FEM1B: variants seen among roughly 807,000 people sequenced by gnomAD.
The protein encoded by FEM1B is fem-1 homolog B.
Under a neutral mutation model 38.6 loss-of-function variants are expected in FEM1B, and 10 were observed. The observed-to-expected ratio is 0.26, with a 90% CI of 0.16 to 0.44. The LOEUF is 0.44. Among genes scored for constraint, FEM1B ranks in the 20% least tolerant of loss-of-function variants. The pLI, the probability that FEM1B is intolerant of heterozygous loss-of-function variation, is 1.00. For missense variants in FEM1B, 471 were observed against 786.7 expected, an observed-to-expected ratio of 0.60 and a Z score of 4.80; for synonymous variants, 288 against 288.0, an observed-to-expected ratio of 1.00 and a Z score of 0.00.
rs1049648856 is a variant in FEM1B at position 68,289,314 on chromosome 15, T to G, written c.249-293T>G. 3.3e-6 allele frequency: 1 copy of G among 302,842 alleles called. No individual in the cohort carries two copies. The highest frequency in any genetic ancestry group is 6.2e-6 in the Non-Finnish European group (1 of 162,214). 18.8% of individuals were successfully genotyped at this position (302,842 alleles called of 1,614,324 possible). A position where few individuals can be genotyped will look rare whatever the true frequency, so the allele number is the denominator to read the frequency against. On this transcript the variant is annotated intron_variant, in intron 1 of 1. Coordinates refer to ENST00000306917, the MANE Select transcript of FEM1B (RefSeq NM_015322.5). The surrounding 1 kb of genome is among the most constrained non-coding windows in gnomAD (Gnocchi z 6.9). ...TACCTCCACGCATTTCCTCTGTGCCTTCTGAAGTGTCTTTACTTTTGCTAG... is the reference window on the plus strand; with the variant it reads ...TACCTCCACGCATTTCCTCTGTGCCGTCTGAAGTGTCTTTACTTTTGCTAG...
At chr15:68,286,807 AT>A (rs1159705004) in intron 1 of FEM1B, among the ~76,000 whole-genome samples, 1 of 149,036 alleles carries the variant, frequency 6.7e-6, no homozygotes, top group Non-Finnish European at 1.5e-5. Flanking sequence ...TAACAAAAAA[AT>A]AACAAAAGTG....
In FEM1B at chr15:68,290,738, CGAA is replaced by C. The variant is rs1429241916; in HGVS notation, c.1386_1388del (p.Glu462del). ...GCATCTCTACCAAAACACAGTGCAG[CGAA>C]GAAGATCAGTGCAAAATTAACAAGC... On this transcript the variant is annotated inframe_deletion, in exon 2 of 2. Transcript: ENST00000306917. The surrounding 1 kb of genome is among the most constrained non-coding windows in gnomAD (Gnocchi z 9.7). The C allele has an allele frequency of 4.3e-6, 7 of 1,613,834 alleles. No homozygotes were observed. The highest frequency in any genetic ancestry group is 1.1e-5 in the South Asian group (1 of 91,072).
In FEM1B at chr15:68,291,901, GT is replaced by G. The variant is rs1892851387; in HGVS notation, c.*661del. The G allele has an allele frequency of 6.6e-6, 1 of 152,156 alleles. No individual in the cohort carries two copies. Among genetic ancestry groups the G allele is most frequent in the Non-Finnish European group, 1.5e-5 (1 of 68,012 alleles). 9.4% of individuals were successfully genotyped at this position (152,156 alleles called of 1,614,324 possible). A position where few individuals can be genotyped will look rare whatever the true frequency, so the allele number is the denominator to read the frequency against. On this transcript the variant is annotated 3_prime_UTR_variant, in exon 2 of 2. Coordinates refer to ENST00000306917, the MANE Select transcript of FEM1B (RefSeq NM_015322.5). The surrounding 1 kb of genome is among the most constrained non-coding windows in gnomAD (Gnocchi z 6.9). ...TATGCTGGGTAGTATATACAAAATG[GT>G]TATCATCTTAAACCAACTTTTCAGA...
At position 68,289,769 on chromosome 15, in the gene FEM1B, G is replaced by C; in HGVS notation, c.411G>C (p.Val137=). 6.2e-7 allele frequency: 1 copy of C among 1,614,172 alleles called. No homozygotes were observed. The highest frequency in any genetic ancestry group is 8.5e-7 in the Non-Finnish European group (1 of 1,180,034). ...GCTTTGATGGCAGACTGGACATTGTGAAATACTTGGTTGAAAATAATGCCA... is the reference window on the plus strand; with the variant it reads ...GCTTTGATGGCAGACTGGACATTGTCAAATACTTGGTTGAAAATAATGCCA... ...AACFDGRLDI[V]KYLVENNANI... Residue 137 remains valine (V), a synonymous_variant, in exon 2 of 2, where the codon GTG becomes GTC. Transcript: ENST00000306917. This position sits in a 1 kb window ranked among gnomAD's most constrained non-coding sequence, Gnocchi z 6.9.
Position 68,291,458 on chromosome 15 carries a change from G to T in FEM1B, c.*216G>T. ...CCACATTGTTTTGGTGTAACTATAA[G>T]GTATTTGCATATTGGTTACCTATTT... On this transcript the variant is annotated 3_prime_UTR_variant, in exon 2 of 2. Coordinates refer to ENST00000306917, the MANE Select transcript of FEM1B (RefSeq NM_015322.5). The surrounding 1 kb of genome is among the most constrained non-coding windows in gnomAD (Gnocchi z 6.9). 2.1e-6 allele frequency: 1 copy of T among 477,798 alleles called. No homozygotes were observed. Among genetic ancestry groups the T allele is most frequent in the Non-Finnish European group, 3.7e-6 (1 of 272,816 alleles). The allele number at this position is 477,798 out of a possible 1,614,324, so 29.6% of individuals were successfully genotyped here.
rs78511923 is a variant in FEM1B, at chr15:68,288,621, G to T, written c.249-986G>T. 0.014 allele frequency among the ~76,000 whole-genome samples: 2,150 copies of T among 152,294 alleles called. 59 individuals are homozygous for T. Among genetic ancestry groups the T allele is most frequent in the African/African-American group, 0.049 (2,054 of 41,556 alleles). On this transcript the variant is annotated intron_variant, in intron 1 of 1. Transcript: ENST00000306917. This position sits in a 1 kb window ranked among gnomAD's most constrained non-coding sequence, Gnocchi z 4.6. ...GTAGTGAATCTAGCACATATCAGAT[G>T]TTTAGTAAGTAAGTGATAAGTATGA...
Position 68,290,742 on chromosome 15 carries a change from G to A in FEM1B, c.1384G>A (p.Glu462Lys). ...CISTKTQCSE[E>K]DQCKINKQIY... ...CTCTACCAAAACACAGTGCAGCGAA[G>A]AAGATCAGTGCAAAATTAACAAGCA... The change falls in exon 2 of 2, where the codon GAA becomes AAA. Residue 462 changes from glutamate (E) to lysine (K), a missense_variant. Physicochemically the swap from Glu to Lys is moderately conservative, Grantham distance 56. This residue lies in a region of FEM1B where 380 missense variants were observed against 599.6 expected (regional missense o/e 0.63). Transcript: ENST00000306917. The surrounding 1 kb of genome is among the most constrained non-coding windows in gnomAD (Gnocchi z 9.7). 6.2e-7 allele frequency: 1 copy of A among 1,613,958 alleles called. No homozygotes were observed.
Position 68,294,958 on chromosome 15 carries a change from C to T in FEM1B, c.*3716C>T, listed in dbSNP as rs1328169527. The stretch of plus-strand genomic sequence containing the variant: ...TGTCATCTCTTGAAAGTAGAAAACT[C>T]CTATGTGTTTATCACATTGCAGGGC... On this transcript the variant is annotated 3_prime_UTR_variant, in exon 2 of 2. Transcript: ENST00000306917. This position sits in a 1 kb window ranked among gnomAD's most constrained non-coding sequence, Gnocchi z 4.4. 1 of 152,156 alleles carries T rather than the reference C, an allele frequency of 6.6e-6. No homozygotes were observed. Among genetic ancestry groups the T allele is most frequent in the Non-Finnish European group, 1.5e-5 (1 of 68,014 alleles). The allele number at this position is 152,156 out of a possible 1,614,324, so 9.4% of individuals were successfully genotyped here. A position where few individuals can be genotyped will look rare whatever the true frequency, so the allele number is the denominator to read the frequency against.
intron 1 of FEM1B, among the ~76,000 whole-genome samples, chr15:68,285,070 A>C (rs1038409378): frequency 1.3e-5 from 2 of 152,200 alleles, no homozygotes; most frequent in African/African-American, 4.8e-5. Flanking sequence ...AGCTTCTGTC[A>C]CCACAGATTA....
chr15:68,286,474 T>TCACACA lies in FEM1B; in HGVS notation c.249-3114_249-3109dup, dbSNP rs58268546. On this transcript the variant is annotated intron_variant, in intron 1 of 1. Transcript: ENST00000306917. ...TCATTGTAGCCTCGACCTCTTGGAC[T>TCACACA]CACACACACACACACACACACACAT... is the stretch of plus-strand genomic sequence containing the variant. 8.7e-5 allele frequency among the ~76,000 whole-genome samples: 13 copies of TCACACA among 149,722 alleles called. No homozygotes were observed. The East Asian group carries it at 2.2e-3, about 25-fold the overall frequency.
rs1181700873 is a variant in FEM1B at position 68,280,849 on chromosome 15, T to G, written c.248+2184T>G. Among the ~76,000 whole-genome samples the G allele has an allele frequency of 1.3e-5, 2 of 152,274 alleles. No homozygotes were observed. Among genetic ancestry groups the G allele is most frequent in the South Asian group, 4.1e-4 (2 of 4,834 alleles). ...TTTAGCTTATGGATTATTACAATTA[T>G]GAATTTATTAGCTGCTATGTAAAAA... is the stretch of plus-strand genomic sequence containing the variant. On this transcript the variant is annotated intron_variant, in intron 1 of 1. Coordinates refer to ENST00000306917, the MANE Select transcript of FEM1B (RefSeq NM_015322.5). The surrounding 1 kb of genome is among the most constrained non-coding windows in gnomAD (Gnocchi z 4.2).
intron 1 of FEM1B, among the ~76,000 whole-genome samples, chr15:68,287,287 G>C (rs1006590770): frequency 6.6e-6 from 1 of 152,170 alleles, no homozygotes; most frequent in Non-Finnish European, 1.5e-5. Flanking sequence ...TCTTTTCTGA[G>C]GTATGTCTTA....
intron 1 of FEM1B, among the ~76,000 whole-genome samples, chr15:68,286,495 C>T (rs918509320): frequency 2.9e-4 from 44 of 151,622 alleles, no homozygotes; most frequent in Non-Finnish European, 4.1e-4. Context: ...CACACACACA[C>T]ACATATACCA....
At position 68,284,014 on chromosome 15, in the gene FEM1B, T is replaced by C. The variant is rs1332063637; in HGVS notation, c.248+5349T>C. 6.6e-6 allele frequency among the ~76,000 whole-genome samples: 1 copy of C among 151,722 alleles called. No individual in the cohort carries two copies. The highest frequency in any genetic ancestry group is 1.5e-5 in the Non-Finnish European group (1 of 67,964). ...AATTCTTCTGCCTCAGCCTCCCGAGTAGCTGGGATTACAGACATGCGCCAC... is the reference window on the plus strand; with the variant it reads ...AATTCTTCTGCCTCAGCCTCCCGAGCAGCTGGGATTACAGACATGCGCCAC... On this transcript the variant is annotated intron_variant, in intron 1 of 1. Transcript: ENST00000306917. This position sits in a 1 kb window ranked among gnomAD's most constrained non-coding sequence, Gnocchi z 4.4.
At position 68,280,709 on chromosome 15, in the gene FEM1B, C is replaced by T. The variant is rs1445993727; in HGVS notation, c.248+2044C>T. Among the ~76,000 whole-genome samples the T allele has an allele frequency of 6.6e-6, 1 of 152,204 alleles. No individual in the cohort carries two copies. Among genetic ancestry groups the T allele is most frequent in the East Asian group, 1.9e-4 (1 of 5,196 alleles). On this transcript the variant is annotated intron_variant, in intron 1 of 1. Coordinates refer to ENST00000306917, the MANE Select transcript of FEM1B (RefSeq NM_015322.5). This position sits in a 1 kb window ranked among gnomAD's most constrained non-coding sequence, Gnocchi z 4.2. ...AGAGATTGTGGGAGACTGGAGAGAG[C>T]TGGAGCCCAGATTTTGGTGATCCCT...
In FEM1B at chr15:68,292,392, A is replaced by T. The variant is rs1423463571; in HGVS notation, c.*1150A>T. On this transcript the variant is annotated 3_prime_UTR_variant, in exon 2 of 2. Coordinates refer to ENST00000306917, the MANE Select transcript of FEM1B (RefSeq NM_015322.5). Reference sequence around the variant, plus strand: ...AAAATGTCACTTATTCCTACAGGCTATACAGAGGTCTTTATGGTTTTTTTG... The same window carrying T: ...AAAATGTCACTTATTCCTACAGGCTTTACAGAGGTCTTTATGGTTTTTTTG... 6.6e-6 allele frequency: 1 copy of T among 152,160 alleles called. No individual in the cohort carries two copies. Among genetic ancestry groups the T allele is most frequent in the African/African-American group, 2.4e-5 (1 of 41,456 alleles). 9.4% of individuals were successfully genotyped at this position (152,160 alleles called of 1,614,324 possible).
At chr15:68,283,616 A>G (rs1892752227) in intron 1 of FEM1B, among the ~76,000 whole-genome samples, 1 of 151,176 alleles carries the variant, frequency 6.6e-6, no homozygotes, top group African/African-American at 2.4e-5. Flanking sequence ...TGCCACTGCC[A>G]TGAGCAGTGA....
chr15:68,291,219 G>C lies in FEM1B; in HGVS notation c.1861G>C (p.Glu621Gln). 1.3e-6 allele frequency: 2 copies of C among 1,596,354 alleles called. No homozygotes were observed. The highest frequency in any genetic ancestry group is 4.5e-5 in the East Asian group (2 of 44,728). ...NYQDQIPRTL[E>Q]EFVGFH Reference sequence around the variant, plus strand: ...CCAAGACCAGATCCCCAGAACTCTTGAAGAGTTTGTTGGATTTCATTAAGT... The same window carrying C: ...CCAAGACCAGATCCCCAGAACTCTTCAAGAGTTTGTTGGATTTCATTAAGT... The change falls in exon 2 of 2, where the codon GAA becomes CAA. Residue 621 changes from glutamate to glutamine, a missense_variant. Glu to Gln is a conservative substitution (Grantham distance 29, BLOSUM62 2). This residue lies in a region of FEM1B where 380 missense variants were observed against 599.6 expected (regional missense o/e 0.63). Transcript: ENST00000306917. The surrounding 1 kb of genome is among the most constrained non-coding windows in gnomAD (Gnocchi z 6.9).
chr15:68,287,079 C>CG (rs969134921), intron 1 of FEM1B, among the ~76,000 whole-genome samples: 38 of 152,188 alleles, frequency 2.5e-4, no homozygotes, highest in Admixed American at 2.4e-3. Flanking sequence ...TTGGTAGAGA[C>CG]GGGGTTTCAC....
Sources: allele counts gnomAD v4.1 joint callset (sites outside exome capture counted in the v4.1 genomes callset), GRCh38; gene constraint gnomAD v4.1.1; regional missense constraint gnomAD v4.1.1; non-coding constraint Gnocchi (gnomAD v3.1); transcripts MANE v1.5; gene names NCBI Gene and HGNC (gene_info 2026-07-23, HGNC 2026-07-21).